Variants in ZDHHC5 observed in about 807,000 individuals in gnomAD.
ZDHHC5 encodes the protein palmitoyltransferase ZDHHC5.
A neutral mutation model predicts 70.0 loss-of-function variants in ZDHHC5; 22 were observed. That is an observed-to-expected ratio of 0.31 (90% confidence interval 0.22 to 0.45). The LOEUF (loss-of-function observed/expected upper bound fraction) is 0.45, where lower values mean the gene tolerates loss of function less well. ZDHHC5 is among the 20% of genes least tolerant of loss of function. The pLI, the probability that ZDHHC5 is intolerant of heterozygous loss-of-function variation, is 1.00. For synonymous variants in ZDHHC5, 313 were observed against 347.8 expected, an observed-to-expected ratio of 0.90 and a Z score of 1.11; for missense variants, 746 against 926.9, an observed-to-expected ratio of 0.80 and a Z score of 2.53.
At position 57,669,706 on chromosome 11, in the gene ZDHHC5, G is replaced by T. The variant is rs191373689; in HGVS notation, c.-1071+1519G>T. Among the ~76,000 whole-genome samples the T allele has an allele frequency of 2.0e-5, 3 of 152,250 alleles. 1 individual carries two copies. Among genetic ancestry groups the T allele is most frequent in the East Asian group, 3.9e-4 (2 of 5,180 alleles). ...ACTCCTGACCTCAAATGATCCGCCC[G>T]CCTCGGCCTCCCAAAGTGCTGGGAT... is the stretch of plus-strand genomic sequence containing the variant. On this transcript the variant is annotated intron_variant, in intron 1 of 11. Coordinates refer to ENST00000287169, the MANE Select transcript of ZDHHC5 (RefSeq NM_015457.3).
chr11:57,690,547 T>C, intron 6 of ZDHHC5, 110 bp downstream of exon 6: 1 of 1,156,888 alleles, frequency 8.6e-7, no homozygotes, highest in Admixed American at 1.8e-5. Flanking sequence ...TGAATACTTT[T>C]CATGATTATG....
Position 57,682,339 on chromosome 11 carries a change from C to A in ZDHHC5, c.105-83C>A, listed in dbSNP as rs904087293. The A allele has an allele frequency of 6.0e-6, 9 of 1,507,062 alleles. No individual in the cohort carries two copies. In the South Asian group the frequency reaches 1.1e-4, roughly 18 times the overall value. The allele number at this position is 1,507,062 out of a possible 1,614,324, so 93.4% of individuals were successfully genotyped here. ...ACAAGATTTATCTATAGGTAAGGGGCTAAGTCTTTACAGATTTTTGTATGT... is the reference window on the plus strand; with the variant it reads ...ACAAGATTTATCTATAGGTAAGGGGATAAGTCTTTACAGATTTTTGTATGT... On this transcript the variant is annotated intron_variant, in intron 2 of 11. Coordinates refer to ENST00000287169, the MANE Select transcript of ZDHHC5 (RefSeq NM_015457.3).
intron 1 of ZDHHC5, among the ~76,000 whole-genome samples, chr11:57,669,198 C>T (rs1945968559): frequency 6.6e-6 from 1 of 152,196 alleles, no homozygotes; most frequent in South Asian, 2.1e-4. Flanking sequence ...GGCTCTTTCT[C>T]CCATACCTTG....
In ZDHHC5 at chr11:57,698,884, A is replaced by G; in HGVS notation, c.1448A>G (p.Glu483Gly). ...LLTPSDSPDF[E>G]SVQAGPEPDP... is the part of the protein sequence containing the mutation. ...ACACCTTCAGACAGCCCTGATTTTG[A>G]GTCAGTGCAGGCAGGGCCTGAGCCA... The change falls in exon 11 of 12, where the codon GAG becomes GGG. Residue 483 changes from glutamate (E) to glycine (G), a missense_variant. Glu to Gly is a moderately conservative substitution (Grantham distance 98). Around this residue, in one of 6 missense-constraint regions of ZDHHC5, gnomAD observed 340 missense variants for 350.1 expected, o/e 0.97. Transcript: ENST00000287169. The G allele has an allele frequency of 6.2e-7, 1 of 1,614,140 alleles. No homozygotes were observed. The highest frequency in any genetic ancestry group is 8.5e-7 in the Non-Finnish European group (1 of 1,180,020).
rs532976356 is a variant in ZDHHC5, at chr11:57,699,049, G to A, written c.1613G>A (p.Arg538His). 31 of 1,612,440 alleles carry A rather than the reference G, an allele frequency of 1.9e-5. No homozygotes were observed. The highest frequency in any genetic ancestry group is 1.6e-4 in the Middle Eastern group (1 of 6,062). Residue 538 changes from arginine (R) to histidine (H), a missense_variant, in exon 11 of 12, where the codon CGC (arginine) becomes CAC (histidine). Arg to His is a conservative substitution (Grantham distance 29). This residue lies in a region of ZDHHC5 where 340 missense variants were observed against 350.1 expected (regional missense o/e 0.97). Transcript: ENST00000287169. ...CCAGTCCGTTACGACAATCTGTCGC[G>A]CCACATTGTGGCCTCTCTCCAGGAA... ...PSPVRYDNLS[R>H]HIVASLQERE...
In ZDHHC5 at chr11:57,672,258, C is replaced by G. The variant is rs1946015699; in HGVS notation, c.-833C>G. ...AGTTTTACATGAACTTTGTAGGAAA[C>G]AGAGCCCTTAAAGGGCTTGGGAATA... On this transcript the variant is annotated 5_prime_UTR_variant, in exon 2 of 12. Transcript: ENST00000287169. 1 of 398,450 alleles carries G rather than the reference C, an allele frequency of 2.5e-6. No individual in the cohort carries two copies. Among genetic ancestry groups the G allele is most frequent in the South Asian group, 1.3e-4 (1 of 7,834 alleles). The allele number at this position is 398,450 out of a possible 1,614,324, so 24.7% of individuals were successfully genotyped here. A position where few individuals can be genotyped will look rare whatever the true frequency, so the allele number is the denominator to read the frequency against.
Position 57,672,353 on chromosome 11 carries a change from C to G in ZDHHC5, c.-738C>G. 2.5e-6 allele frequency: 1 copy of G among 396,944 alleles called. No homozygotes were observed. The highest frequency in any genetic ancestry group is 4.4e-6 in the Non-Finnish European group (1 of 225,528). 24.6% of individuals were successfully genotyped at this position (396,944 alleles called of 1,614,324 possible). A position where few individuals can be genotyped will look rare whatever the true frequency, so the allele number is the denominator to read the frequency against. On this transcript the variant is annotated 5_prime_UTR_variant, in exon 2 of 12. Coordinates refer to ENST00000287169, the MANE Select transcript of ZDHHC5 (RefSeq NM_015457.3). Reference sequence around the variant, plus strand: ...CCCCTTCAAAGAAAAGGATTTACAGCTCAAACTTAGAACAGCTGTTGTCCA... The same window carrying G: ...CCCCTTCAAAGAAAAGGATTTACAGGTCAAACTTAGAACAGCTGTTGTCCA...
At chr11:57,697,215 C>T (rs1565198807) in intron 10 of ZDHHC5, among the ~76,000 whole-genome samples, 1 of 152,140 alleles carries the variant, frequency 6.6e-6, no homozygotes, top group South Asian at 2.1e-4. Context: ...GTAATCCCAG[C>T]ACTTTGGGAG....
intron 2 of ZDHHC5, among the ~76,000 whole-genome samples, chr11:57,677,774 C>A (rs1946091030): frequency 6.6e-6 from 1 of 152,166 alleles, no homozygotes; most frequent in African/African-American, 2.4e-5. Flanking sequence ...TCCCCCGTAA[C>A]TGCAGAGGTA....
At chr11:57,683,214 T>TA (rs1946169651) in intron 3 of ZDHHC5, among the ~76,000 whole-genome samples, 1 of 152,226 alleles carries the variant, frequency 6.6e-6, no homozygotes, top group African/African-American at 2.4e-5. Flanking sequence ...GGACTTTACA[T>TA]ACTAAGTTAA....
At chr11:57,691,433 G>A (rs555579060) in intron 6 of ZDHHC5, among the ~76,000 whole-genome samples, 5 of 152,122 alleles carry the variant, frequency 3.3e-5, no homozygotes, top group Non-Finnish European at 5.9e-5. Flanking sequence ...TCTTGACCTC[G>A]TGATCCGCCC....
intron 2 of ZDHHC5, among the ~76,000 whole-genome samples, chr11:57,678,396 C>G (rs1456625665): frequency 6.6e-6 from 1 of 151,850 alleles, no homozygotes; most frequent in South Asian, 2.1e-4. Flanking sequence ...CGGTGAAACC[C>G]GTTCTCTACT....
At chr11:57,674,252 A>C (rs1409926705) in intron 2 of ZDHHC5, among the ~76,000 whole-genome samples, 1 of 151,954 alleles carries the variant, frequency 6.6e-6, no homozygotes, top group Non-Finnish European at 1.5e-5. Context: ...TTTGATCTTC[A>C]GACTTTCTTC....
chr11:57,681,842 A>C (rs948366342), intron 2 of ZDHHC5: 3 of 152,222 alleles, frequency 2.0e-5, no homozygotes, highest in African/African-American at 7.2e-5. Flanking sequence ...TGTGTGTTTT[A>C]AAAGAATTTC....
chr11:57,692,805 G>T, intron 7 of ZDHHC5, 103 bp downstream of exon 7: 1 of 1,171,278 alleles, frequency 8.5e-7, no homozygotes, highest in East Asian at 2.5e-5. Flanking sequence ...CTTTAGGAAG[G>T]GTTCTCTATC....
intron 2 of ZDHHC5, among the ~76,000 whole-genome samples, chr11:57,681,210 C>T (rs1050929355): frequency 2.0e-5 from 3 of 152,140 alleles, no homozygotes; most frequent in African/African-American, 7.2e-5. Flanking sequence ...AGTCTCAGGG[C>T]TGTGCTTTTT....
At position 57,696,034 on chromosome 11, in the gene ZDHHC5, A is replaced by T; in HGVS notation, c.1000A>T (p.Thr334Ser). The change falls in exon 9 of 12, where the codon ACT becomes TCT. Residue 334 changes from threonine (T) to serine (S), a missense_variant. Physicochemically the swap from Thr to Ser is moderately conservative, Grantham distance 58 (BLOSUM62 1). Around this residue, in one of 6 missense-constraint regions of ZDHHC5, gnomAD observed 179 missense variants for 178.4 expected, o/e 1.00. Transcript: ENST00000287169. ...GTTGCGAACACACCTCGGCTTGGCT[A>T]CTAATGAGGGTAAGGGCTGCCTTGA... ...TGLRTHLGLA[T>S]NEDSSLLAKD... 2 of 1,612,234 alleles carry T rather than the reference A, an allele frequency of 1.2e-6. No homozygotes were observed. The highest frequency in any genetic ancestry group is 8.5e-7 in the Non-Finnish European group (1 of 1,179,484).
chr11:57,695,169 G>T (rs561641336), intron 8 of ZDHHC5, among the ~76,000 whole-genome samples: 1 of 152,180 alleles, frequency 6.6e-6, no homozygotes, highest in South Asian at 2.1e-4. Flanking sequence ...GGCTGAGGTA[G>T]GAGAATTGCT....
In ZDHHC5 at chr11:57,677,141, G is replaced by A. The variant is rs560420491; in HGVS notation, c.104+3947G>A. Among the ~76,000 whole-genome samples, 4 of 150,830 alleles carry A rather than the reference G, an allele frequency of 2.7e-5. No homozygotes were observed. The South Asian group carries it at 8.4e-4, about 32-fold the overall frequency. ...TTTCACCGTGTTAGCCAGGATGGTC[G>A]TGATCTCCTGGCCTCGTGATCTGCC... On this transcript the variant is annotated intron_variant, in intron 2 of 11. Transcript: ENST00000287169.
Sources: allele counts gnomAD v4.1 joint callset (sites outside exome capture counted in the v4.1 genomes callset), GRCh38; gene constraint gnomAD v4.1.1; regional missense constraint gnomAD v4.1.1; transcripts MANE v1.5; gene names NCBI Gene and HGNC (gene_info 2026-07-23, HGNC 2026-07-21).